FAM135B: variants seen among roughly 807,000 people sequenced by gnomAD.
FAM135B encodes the protein protein FAM135B.
In FAM135B, 43 loss-of-function variants were observed where a neutral mutation model predicts 127.7. The ratio of observed to expected loss-of-function variants is 0.34; its 90% CI spans 0.26 to 0.43. The LOEUF is 0.43. Among genes scored for constraint, FAM135B ranks in the 20% least tolerant of loss-of-function variants. FAM135B has a pLI of 1.00. For missense variants in FAM135B, 1,558 were observed against 1,725.6 expected, an observed-to-expected ratio of 0.90 and a Z score of 1.72; for synonymous variants, 670 against 665.1, an observed-to-expected ratio of 1.01 and a Z score of -0.11.
intron 7 of FAM135B, among the ~76,000 whole-genome samples, chr8:138,203,714 T>G (rs1275876432): frequency 6.6e-6 from 1 of 152,084 alleles, no homozygotes; most frequent in Non-Finnish European, 1.5e-5. Context: ...ACCGAAGGTA[T>G]GGGGGATGGT....
intron 1 of FAM135B, among the ~76,000 whole-genome samples, chr8:138,396,852 T>G (rs903850251): frequency 9.9e-5 from 15 of 152,074 alleles, no homozygotes; most frequent in East Asian, 1.9e-4. Context: ...CCTAGACCTA[T>G]CCCCAGACAG....
At chr8:138,281,135 T>C (rs1017503318) in intron 3 of FAM135B, among the ~76,000 whole-genome samples, 10 of 152,118 alleles carry the variant, frequency 6.6e-5, no homozygotes, top group Non-Finnish European at 1.0e-4. Context: ...AATAGGCAGA[T>C]TGCTCAAGTT....
intron 7 of FAM135B, among the ~76,000 whole-genome samples, chr8:138,204,008 G>A (rs1308947147): frequency 2.0e-5 from 3 of 151,998 alleles, no homozygotes; most frequent in African/African-American, 7.3e-5. Flanking sequence ...TAGAGCTCAG[G>A]TGGTAATGTG....
chr8:138,193,935 C>T (rs548388892), intron 9 of FAM135B, among the ~76,000 whole-genome samples: 4 of 152,324 alleles, frequency 2.6e-5, no homozygotes, highest in African/African-American at 2.4e-5. Flanking sequence ...CCCTGCCTAA[C>T]ACAGTGGCTG....
At position 138,141,153 on chromosome 8, in the gene FAM135B, C is replaced by T. The variant is rs1030253171; in HGVS notation, c.3790+45G>A. The T allele has an allele frequency of 1.3e-6, 2 of 1,598,408 alleles. No homozygotes were observed. The highest frequency in any genetic ancestry group is 1.3e-5 in the African/African-American group (1 of 74,526). ...TGTGCCCGGTTTCACGCCCCAGAGG[C>T]CCCAGATTAATTCTGAGGAATGACG... On this transcript the variant is annotated intron_variant, in intron 17 of 19. Transcript: ENST00000395297. This position sits in a 1 kb window ranked among gnomAD's most constrained non-coding sequence, Gnocchi z 4.7.
rs896604594 is a variant in FAM135B at position 138,491,156 on chromosome 8, AAAAG to A, written c.-20+5511_-20+5514del. Among the ~76,000 whole-genome samples the A allele has an allele frequency of 1.1e-3, 162 of 147,068 alleles. 1 individual carries two copies. Among genetic ancestry groups the A allele is most frequent in the Admixed American group, 1.9e-3 (28 of 15,046 alleles). ...AAACTCTCTCTCAAAAAAAAAAAAA[AAAAG>A]AAAGAAAGAAAGAAAGACAAGAAAA... is the stretch of plus-strand genomic sequence containing the variant. On this transcript the variant is annotated intron_variant, in intron 1 of 19. Transcript: ENST00000395297.
intron 3 of FAM135B, among the ~76,000 whole-genome samples, chr8:138,278,553 ATTTTTTTTTTTTT>A (rs557719866): frequency 1.7e-5 from 1 of 60,472 alleles, no homozygotes; most frequent in Non-Finnish European, 2.9e-5. Flanking sequence ...TAAGAACATG[ATTTTTTTTTTTTT>A]TTTTTTTTTT....
At chr8:138,336,716 C>T (rs941978190) in intron 2 of FAM135B, among the ~76,000 whole-genome samples, 2 of 152,148 alleles carry the variant, frequency 1.3e-5, no homozygotes, top group Admixed American at 6.5e-5. Flanking sequence ...GAAATTATTA[C>T]AATTAATAGA....
chr8:138,201,530 A>G (rs889743012), intron 7 of FAM135B, among the ~76,000 whole-genome samples: 3 of 152,194 alleles, frequency 2.0e-5, no homozygotes, highest in Non-Finnish European at 4.4e-5. Context: ...GACTTTTTGA[A>G]GCTGTGCGAT....
intron 7 of FAM135B, among the ~76,000 whole-genome samples, chr8:138,217,141 T>A (rs188936814): frequency 6.6e-6 from 1 of 152,320 alleles, no homozygotes; most frequent in East Asian, 1.9e-4. Flanking sequence ...CACCATTATC[T>A]AATGCCTGAC....
chr8:138,249,941 TG>T (rs756987789), intron 6 of FAM135B, among the ~76,000 whole-genome samples: 2 of 152,208 alleles, frequency 1.3e-5, no homozygotes, highest in Non-Finnish European at 2.9e-5. Context: ...CAGGTGAGCA[TG>T]GTACAATATG....
rs1304913954 is a variant in FAM135B at position 138,408,211 on chromosome 8, G to A, written c.-19-40209C>T. On this transcript the variant is annotated intron_variant, in intron 1 of 19. Transcript: ENST00000395297. ...TGACTTCTCCTCTCTAGTTATCAAA[G>A]GTTTTTATGGCATCTTTTTCCTCTA... Among the ~76,000 whole-genome samples, 12 of 152,286 alleles carry A rather than the reference G, an allele frequency of 7.9e-5. No homozygotes were observed. The East Asian group carries it at 2.3e-3, about 29-fold the overall frequency.
At chr8:138,206,256 CA>C (rs1817565523) in intron 7 of FAM135B, among the ~76,000 whole-genome samples, 1 of 148,122 alleles carries the variant, frequency 6.8e-6, no homozygotes, top group African/African-American at 2.5e-5. Context: ...CCTCCACCTA[CA>C]CACAGCTCTA....
chr8:138,300,266 TA>T (rs35141807), intron 3 of FAM135B, among the ~76,000 whole-genome samples: 1 of 148,098 alleles, frequency 6.8e-6, no homozygotes. Flanking sequence ...TGGGAATAAT[TA>T]AAAAAAAAAA....
chr8:138,266,787 CACACAT>C (rs907406809), intron 3 of FAM135B, among the ~76,000 whole-genome samples: 6 of 5,584 alleles, frequency 1.1e-3, no homozygotes, highest in Non-Finnish European at 3.6e-3. Context: ...TACACACACA[CACACAT>C]ACACACACAT....
intron 15 of FAM135B, among the ~76,000 whole-genome samples, chr8:138,145,652 G>A (rs1817588356): frequency 6.6e-6 from 1 of 152,184 alleles, no homozygotes; most frequent in African/African-American, 2.4e-5. Flanking sequence ...CAGCAGAACT[G>A]AGCGCCAACA....
intron 9 of FAM135B, among the ~76,000 whole-genome samples, chr8:138,191,569 G>A (rs906981314): frequency 6.6e-6 from 1 of 152,176 alleles, no homozygotes; most frequent in East Asian, 1.9e-4. Flanking sequence ...GCTATGTGCT[G>A]CATGAGCAAG....
Position 138,152,496 on chromosome 8 carries a change from T to C in FAM135B, c.1979A>G (p.Asp660Gly), listed in dbSNP as rs746965889. ...TTCCTCCTGCTCTTCTGTGTGAGAG[T>C]CCTTTAGGGAAGACCTAATATCTAA... ...EPLDIRSSLK[D>G]SHTEEQEELS... is the part of the protein sequence containing the mutation. The change falls in exon 13 of 20, where the codon GAC (aspartate) becomes GGC (glycine). Residue 660 changes from aspartate (D) to glycine (G), a missense_variant. By Grantham distance (94) the Asp-to-Gly change is moderately conservative (BLOSUM62 -1). Around this residue, in one of 5 missense-constraint regions of FAM135B, gnomAD observed 923 missense variants for 865.3 expected, o/e 1.07. Transcript: ENST00000395297. The C allele has an allele frequency of 1.2e-6, 2 of 1,614,126 alleles. No homozygotes were observed. Among genetic ancestry groups the C allele is most frequent in the East Asian group, 4.5e-5 (2 of 44,850 alleles).
chr8:138,331,949 CAT>C (rs776976185), intron 2 of FAM135B, among the ~76,000 whole-genome samples: 3 of 152,170 alleles, frequency 2.0e-5, no homozygotes, highest in Non-Finnish European at 4.4e-5. Flanking sequence ...CACCAATCCA[CAT>C]GTGACCTTAG....
Sources: gnomAD v4.1 joint callset for allele counts (sites outside exome capture counted in the v4.1 genomes callset) on GRCh38, gnomAD v4.1.1 for gene constraint, gnomAD v4.1.1 regional missense constraint, Gnocchi (gnomAD v3.1) non-coding constraint, MANE v1.5 for transcripts, NCBI Gene and HGNC (gene_info 2026-07-23, HGNC 2026-07-21) for gene names.